The following LSM8 variants were observed in gnomAD, a reference collection of about 807,000 sequenced individuals.
The protein encoded by LSM8 is LSM8 U6 small nuclear RNA associated.
Under a neutral mutation model 15.0 loss-of-function variants are expected in LSM8, and 14 were observed. The ratio of observed to expected loss-of-function variants is 0.93; its 90% confidence interval spans 0.62 to 1.46. LSM8 has a LOEUF of 1.46. Ranked by LOEUF, LSM8 falls within the 40% of genes most tolerant of loss-of-function variation. The probability of loss-of-function intolerance (pLI) is 0.00; values close to 1 mark genes in which losing one functional copy is unlikely to be tolerated. For missense variants in LSM8, 90 were observed against 115.4 expected, an observed-to-expected ratio of 0.78 and a Z score of 1.01; for synonymous variants, 50 against 42.1, an observed-to-expected ratio of 1.19 and a Z score of -0.73.
In LSM8 at chr7:118,200,343, G is replaced by T. The variant is rs762481587; in HGVS notation, c.*8341G>T. On this transcript the variant is annotated 3_prime_UTR_variant, in exon 4 of 4. Transcript: ENST00000249299. ...GCTGAATTTGAAGACTATTAATGAT[G>T]CAGCTCTCACTGGTACAAGTGAAAA... is the stretch of plus-strand genomic sequence containing the variant. Among the ~76,000 whole-genome samples, 1 of 152,048 alleles carries T rather than the reference G, an allele frequency of 6.6e-6. No homozygotes were observed. Among genetic ancestry groups the T allele is most frequent in the Non-Finnish European group, 1.5e-5 (1 of 67,998 alleles).
At chr7:118,185,115 A>G (rs1808864294) in intron 1 of LSM8, 2 of 152,218 alleles carry the variant, frequency 1.3e-5, no homozygotes, top group Non-Finnish European at 2.9e-5. Flanking sequence ...TAACCTTCCT[A>G]GTAGAAAAGT....
At chr7:118,185,568 A>C (rs77829424) in intron 1 of LSM8, 86 bp from the exon 2 acceptor site, 79,853 of 1,198,202 alleles carry the variant, frequency 0.067, 2,956 homozygotes, top group East Asian at 0.11. Context: ...TGTCATATTT[A>C]TTCTAAAAAT....
At position 118,201,663 on chromosome 7, in the gene LSM8, C is replaced by T. The variant is rs1809175135; in HGVS notation, c.*9661C>T. ...TTTTCAATATTTATACCTTTTACTG[C>T]AAAAATAAAAATGAGTTTATCCTTG... On this transcript the variant is annotated 3_prime_UTR_variant, in exon 4 of 4. Coordinates refer to ENST00000249299, the MANE Select transcript of LSM8 (RefSeq NM_016200.5). Among the ~76,000 whole-genome samples the T allele has an allele frequency of 6.6e-6, 1 of 151,922 alleles. No homozygotes were observed. The highest frequency in any genetic ancestry group is 2.1e-4 in the South Asian group (1 of 4,830).
chr7:118,184,341 C>T, intron 1 of LSM8, 87 bp downstream of exon 1: 1 of 1,365,102 alleles, frequency 7.3e-7, no homozygotes, highest in Non-Finnish European at 9.6e-7. Context: ...GAGGCCTGGC[C>T]TCGGCGGGAT....
chr7:118,187,445 C>G (rs1442512086), intron 2 of LSM8, among the ~76,000 whole-genome samples: 2 of 152,146 alleles, frequency 1.3e-5, no homozygotes, highest in Admixed American at 6.5e-5. Flanking sequence ...TTGTATCTAC[C>G]TTACTGGGAG....
In LSM8 at chr7:118,202,677, A is replaced by G. The variant is rs1340742395; in HGVS notation, c.*10675A>G. Among the ~76,000 whole-genome samples the G allele has an allele frequency of 6.6e-6, 1 of 151,872 alleles. No homozygotes were observed. Among genetic ancestry groups the G allele is most frequent in the African/African-American group, 2.4e-5 (1 of 41,398 alleles). Reference sequence around the variant, plus strand: ...GAAGGTGAGGGATTTTTTTCCTTTTATAGTGACATTTTGCCACTCCAAATA... The same window carrying G: ...GAAGGTGAGGGATTTTTTTCCTTTTGTAGTGACATTTTGCCACTCCAAATA... On this transcript the variant is annotated 3_prime_UTR_variant, in exon 4 of 4. Transcript: ENST00000249299.
At position 118,195,075 on chromosome 7, in the gene LSM8, C is replaced by T. The variant is rs559194036; in HGVS notation, c.*3073C>T. Among the ~76,000 whole-genome samples, 2 of 152,258 alleles carry T rather than the reference C, an allele frequency of 1.3e-5. No homozygotes were observed. The highest frequency in any genetic ancestry group is 2.4e-5 in the African/African-American group (1 of 41,552). On this transcript the variant is annotated 3_prime_UTR_variant, in exon 4 of 4. Transcript: ENST00000249299. ...GATGAGAAATATTCAGATGATCTAA[C>T]GCAGTTCCCAAACCTGCATTGTGGG...
rs2115943030 is a variant in LSM8 at position 118,200,172 on chromosome 7, C to T, written c.*8170C>T. On this transcript the variant is annotated 3_prime_UTR_variant, in exon 4 of 4. Coordinates refer to ENST00000249299, the MANE Select transcript of LSM8 (RefSeq NM_016200.5). Reference sequence around the variant, plus strand: ...TTTTCTGACTTCCAAATATAAACAACCTAAGCATTGTGCAGTAGCCATGAG... The same window carrying T: ...TTTTCTGACTTCCAAATATAAACAATCTAAGCATTGTGCAGTAGCCATGAG... 6.6e-6 allele frequency among the ~76,000 whole-genome samples: 1 copy of T among 152,256 alleles called. No homozygotes were observed. The highest frequency in any genetic ancestry group is 1.9e-4 in the East Asian group (1 of 5,188).
rs759220500 is a variant in LSM8, at chr7:118,194,995, C to A, written c.*2993C>A. ...CTTTCAGCTTTTTATACAATACTGC[C>A]TGTTATCAGAAAGTATAGTCTTAAA... On this transcript the variant is annotated 3_prime_UTR_variant, in exon 4 of 4. Coordinates refer to ENST00000249299, the MANE Select transcript of LSM8 (RefSeq NM_016200.5). 1.3e-5 allele frequency among the ~76,000 whole-genome samples: 2 copies of A among 152,094 alleles called. No individual in the cohort carries two copies. The highest frequency in any genetic ancestry group is 2.4e-5 in the African/African-American group (1 of 41,408).
rs1283038437 is a variant in LSM8 at position 118,192,205 on chromosome 7, C to CT, written c.*211dup. ...AAATATAAGTTTGGTAGCTTGGTTT[C>CT]TTTTTTTTATTAAATAGTGTGAAAA... On this transcript the variant is annotated 3_prime_UTR_variant, in exon 4 of 4. Coordinates refer to ENST00000249299, the MANE Select transcript of LSM8 (RefSeq NM_016200.5). 26 of 360,448 alleles carry CT rather than the reference C, an allele frequency of 7.2e-5. No individual in the cohort carries two copies. Among genetic ancestry groups the CT allele is most frequent in the Middle Eastern group, 7.6e-4 (1 of 1,324 alleles). The allele number at this position is 360,448 out of a possible 1,614,324, so 22.3% of individuals were successfully genotyped here. A position where few individuals can be genotyped will look rare whatever the true frequency, so the allele number is the denominator to read the frequency against.
intron 3 of LSM8, chr7:118,190,254 G>A (rs1197060254): frequency 6.6e-6 from 1 of 152,176 alleles, no homozygotes; most frequent in Non-Finnish European, 1.5e-5. Context: ...GTTACAAGGT[G>A]AGCTGTAAGT....
chr7:118,191,824 ACTCAGTG>A, intron 3 of LSM8, 81 bp from the exon 4 acceptor site: 1 of 959,330 alleles, frequency 1.0e-6, no homozygotes, highest in Non-Finnish European at 1.6e-6. Context: ...GAAGAATGGT[ACTCAGTG>A]CTTTGATTTG....
Position 118,195,596 on chromosome 7 carries a change from T to A in LSM8, c.*3594T>A, listed in dbSNP as rs899135807. On this transcript the variant is annotated 3_prime_UTR_variant, in exon 4 of 4. Coordinates refer to ENST00000249299, the MANE Select transcript of LSM8 (RefSeq NM_016200.5). ...ATGTACAATAAAATTTGTTTCTATG[T>A]CAGCGAATATTCTTGACTCAAGGAG... Among the ~76,000 whole-genome samples the A allele has an allele frequency of 6.6e-6, 1 of 152,218 alleles. No homozygotes were observed. Among genetic ancestry groups the A allele is most frequent in the Non-Finnish European group, 1.5e-5 (1 of 68,036 alleles).
intron 1 of LSM8, 28 bp downstream of exon 1, chr7:118,184,282 T>C (rs759269698): frequency 1.4e-6 from 2 of 1,469,356 alleles, no homozygotes; most frequent in South Asian, 1.3e-5. Flanking sequence ...GCCGCGGGCG[T>C]GAGCCGGGGT....
Position 118,196,465 on chromosome 7 carries a change from C to G in LSM8, c.*4463C>G, listed in dbSNP as rs1039033100. 6.6e-6 allele frequency among the ~76,000 whole-genome samples: 1 copy of G among 151,872 alleles called. No individual in the cohort carries two copies. The highest frequency in any genetic ancestry group is 1.5e-5 in the Non-Finnish European group (1 of 67,994). The stretch of plus-strand genomic sequence containing the variant: ...GGTTGCATAATTCTAAGGATAAAGG[C>G]GAAATAGGACTTCACCAGGAGAATT... On this transcript the variant is annotated 3_prime_UTR_variant, in exon 4 of 4. Coordinates refer to ENST00000249299, the MANE Select transcript of LSM8 (RefSeq NM_016200.5).
Position 118,192,139 on chromosome 7 carries a change from A to G in LSM8, c.*137A>G. ...TTCATTGTAATATGTAAATTAAAAT[A>G]TTTCTACATTTTATTGAAAAAAAAA... On this transcript the variant is annotated 3_prime_UTR_variant, in exon 4 of 4. Transcript: ENST00000249299. 2 of 498,662 alleles carry G rather than the reference A, an allele frequency of 4.0e-6. No individual in the cohort carries two copies. The highest frequency in any genetic ancestry group is 6.4e-6 in the Non-Finnish European group (2 of 312,492). The allele number at this position is 498,662 out of a possible 1,614,324, so 30.9% of individuals were successfully genotyped here. A position where few individuals can be genotyped will look rare whatever the true frequency, so the allele number is the denominator to read the frequency against.
At position 118,195,374 on chromosome 7, in the gene LSM8, G is replaced by T. The variant is rs1162180409; in HGVS notation, c.*3372G>T. Among the ~76,000 whole-genome samples the T allele has an allele frequency of 6.6e-6, 1 of 152,120 alleles. No homozygotes were observed. The highest frequency in any genetic ancestry group is 1.9e-4 in the East Asian group (1 of 5,190). On this transcript the variant is annotated 3_prime_UTR_variant, in exon 4 of 4. Transcript: ENST00000249299. ...CATTAGACTGCATTTTAAACATTTG[G>T]TATGATTTTGAGGACATAACCGTAA...
chr7:118,198,484 A>G lies in LSM8; in HGVS notation c.*6482A>G, dbSNP rs1809116583. On this transcript the variant is annotated 3_prime_UTR_variant, in exon 4 of 4. Coordinates refer to ENST00000249299, the MANE Select transcript of LSM8 (RefSeq NM_016200.5). ...TTACTGCATGACAGTAACAGAGATG[A>G]CATGCCCGGTAAACTGGTGTTTGAA... Among the ~76,000 whole-genome samples the G allele has an allele frequency of 6.6e-6, 1 of 152,198 alleles. No homozygotes were observed. Among genetic ancestry groups the G allele is most frequent in the African/African-American group, 2.4e-5 (1 of 41,454 alleles).
chr7:118,184,265 G>A lies in LSM8; in HGVS notation c.31+11G>A. 1.3e-6 allele frequency: 2 copies of A among 1,486,344 alleles called. No individual in the cohort carries two copies. The highest frequency in any genetic ancestry group is 1.8e-6 in the Non-Finnish European group (2 of 1,109,164). The allele number at this position is 1,486,344 out of a possible 1,614,324, so 92.1% of individuals were successfully genotyped here. On this transcript the variant is annotated intron_variant, in intron 1 of 3. Transcript: ENST00000249299. ...AGAACTACATCAACCGTATCCTCAA[G>A]CTGGCCGCCGCGGGCGTGAGCCGGG...
Sources: gnomAD v4.1 joint callset for allele counts (sites outside exome capture counted in the v4.1 genomes callset) on GRCh38, gnomAD v4.1.1 for gene constraint, MANE v1.5 for transcripts, NCBI Gene and HGNC (gene_info 2026-07-23, HGNC 2026-07-21) for gene names.